The following HIBCH variants were observed in gnomAD, a reference collection of about 807,000 sequenced individuals.
HIBCH encodes 3-hydroxyisobutyryl-CoA hydrolase.
A neutral mutation model predicts 58.2 loss-of-function variants in HIBCH; 50 were observed. That is an observed-to-expected ratio of 0.86 (90% CI 0.68 to 1.09). The LOEUF (loss-of-function observed/expected upper bound fraction) is 1.09, where lower values mean the gene tolerates loss of function less well. Among genes scored for constraint, HIBCH ranks in the 50% least tolerant of loss-of-function variants. The pLI, the probability that HIBCH is intolerant of heterozygous loss-of-function variation, is 0.00. For synonymous variants in HIBCH, 151 were observed against 146.9 expected (o/e 1.03, Z -0.20); for missense variants, 450 against 449.7 (o/e 1.00, Z -0.01).
intron 1 of HIBCH, among the ~76,000 whole-genome samples, chr2:190,190,227 C>G (rs1321437685): frequency 1.3e-5 from 2 of 152,114 alleles, no homozygotes; most frequent in East Asian, 3.9e-4. Context: ...CCAAACAGTC[C>G]TTACTTCTTC....
At chr2:190,234,619 G>A (rs1000433458) in intron 11 of HIBCH, among the ~76,000 whole-genome samples, 4 of 152,114 alleles carry the variant, frequency 2.6e-5, no homozygotes, top group African/African-American at 9.7e-5. Context: ...GGAGGCCAAG[G>A]CGGGTGGATC....
intron 11 of HIBCH, among the ~76,000 whole-genome samples, chr2:190,241,227 G>A (rs1575717638): frequency 6.6e-6 from 1 of 151,884 alleles, no homozygotes; most frequent in Non-Finnish European, 1.5e-5. Context: ...ATTATGTAAT[G>A]CCTTTGTCTT....
At chr2:190,244,643 T>C (rs902817956) in intron 11 of HIBCH, among the ~76,000 whole-genome samples, 2 of 152,186 alleles carry the variant, frequency 1.3e-5, no homozygotes, top group Non-Finnish European at 2.9e-5. Flanking sequence ...AAGTCCTCTG[T>C]TACATTCAAA....
intron 6 of HIBCH, among the ~76,000 whole-genome samples, chr2:190,266,136 T>C (rs1254311546): frequency 6.6e-6 from 1 of 152,220 alleles, no homozygotes; most frequent in Non-Finnish European, 1.5e-5. Context: ...TTCTGTAAGA[T>C]TAATCCTTTA....
chr2:190,234,233 T>C (rs1328136377), intron 11 of HIBCH, among the ~76,000 whole-genome samples: 1 of 152,176 alleles, frequency 6.6e-6, no homozygotes, highest in Non-Finnish European at 1.5e-5. Context: ...CTGATACAAC[T>C]ATATTAGAAA....
chr2:190,205,084 A>C lies in HIBCH; in HGVS notation c.*33T>G. On this transcript the variant is annotated 3_prime_UTR_variant, in exon 14 of 14. Transcript: ENST00000359678. ...CCCACATGCTGTAGATTGCCAACCC[A>C]TGCTACAAAATATACCTTAAAAGCC... The C allele has an allele frequency of 2.4e-6, 3 of 1,229,824 alleles. No homozygotes were observed. Among genetic ancestry groups the C allele is most frequent in the Non-Finnish European group, 3.6e-6 (3 of 835,702 alleles). The allele number at this position is 1,229,824 out of a possible 1,614,324, so 76.2% of individuals were successfully genotyped here. A position where few individuals can be genotyped will look rare whatever the true frequency, so the allele number is the denominator to read the frequency against.
At chr2:190,220,663 T>G (rs568030716) in intron 11 of HIBCH, among the ~76,000 whole-genome samples, 2 of 151,754 alleles carry the variant, frequency 1.3e-5, no homozygotes, top group Non-Finnish European at 2.9e-5. Context: ...GTCTGCATAC[T>G]GTGCTAACAG....
At chr2:190,258,522 G>A (rs1450213193) in intron 7 of HIBCH, among the ~76,000 whole-genome samples, 7 of 152,216 alleles carry the variant, frequency 4.6e-5, no homozygotes, top group African/African-American at 9.6e-5. Context: ...TTCTAGAAGC[G>A]TTTTACATAA....
intron 11 of HIBCH, among the ~76,000 whole-genome samples, chr2:190,232,962 AAAAT>A (rs76734952): frequency 0.26 from 39,250 of 151,550 alleles, 5,377 homozygotes; most frequent in East Asian, 0.45. Context: ...TATCTCAAAA[AAAAT>A]AAATAAATAA....
Position 190,197,398 on chromosome 2 carries a change from C to A in HIBCH, c.*18-7401G>T, listed in dbSNP as rs1336550427. On this transcript the variant is annotated intron_variant, in intron 1 of 1. Coordinates refer to the HIBCH transcript ENST00000399855. This position sits in a 1 kb window ranked among gnomAD's most constrained non-coding sequence, Gnocchi z 4.0. ...TGGTGTCACTGTTCAACTCTTAAGTCCTAGAGGAAGTAATCGTTTGCTAAC... is the reference window on the plus strand; with the variant it reads ...TGGTGTCACTGTTCAACTCTTAAGTACTAGAGGAAGTAATCGTTTGCTAAC... Among the ~76,000 whole-genome samples, 1 of 152,178 alleles carries A rather than the reference C, an allele frequency of 6.6e-6. No individual in the cohort carries two copies. Among genetic ancestry groups the A allele is most frequent in the East Asian group, 1.9e-4 (1 of 5,200 alleles).
chr2:190,310,107 T>G (rs1688520030), intron 2 of HIBCH, among the ~76,000 whole-genome samples: 1 of 152,206 alleles, frequency 6.6e-6, no homozygotes, highest in African/African-American at 2.4e-5. Context: ...GGATGCTTCC[T>G]GCCTTCAAAC....
At position 190,259,508 on chromosome 2, in the gene HIBCH, G is replaced by A. The variant is rs565332576; in HGVS notation, c.517+1648C>T. 3.3e-5 allele frequency among the ~76,000 whole-genome samples: 5 copies of A among 152,178 alleles called. No homozygotes were observed. The East Asian group carries it at 9.6e-4, about 29-fold the overall frequency. Reference sequence around the variant, plus strand: ...TGAGCAGCTGGAACCACAGGCACACGCCACCATGTCCAGCTATCTTTTGTT... The same window carrying A: ...TGAGCAGCTGGAACCACAGGCACACACCACCATGTCCAGCTATCTTTTGTT... On this transcript the variant is annotated intron_variant, in intron 7 of 13. Transcript: ENST00000359678.
At chr2:190,234,758 G>A (rs1235147615) in intron 11 of HIBCH, among the ~76,000 whole-genome samples, 1 of 151,956 alleles carries the variant, frequency 6.6e-6, no homozygotes, top group Admixed American at 6.6e-5. Context: ...GCTGAGGCAG[G>A]AGAATTGCTT....
intron 2 of HIBCH, among the ~76,000 whole-genome samples, chr2:190,310,339 A>C (rs895891723): frequency 6.6e-5 from 10 of 152,244 alleles, no homozygotes; most frequent in Non-Finnish European, 1.5e-4. Flanking sequence ...AATTCTCCTT[A>C]ATAAACTCCC....
chr2:190,239,690 C>A (rs571922668), intron 11 of HIBCH, among the ~76,000 whole-genome samples: 1 of 146,478 alleles, frequency 6.8e-6, no homozygotes, highest in Non-Finnish European at 1.5e-5. Context: ...CCTCCTGTTG[C>A]CCAAGCTGGA....
At chr2:190,196,148 C>T (rs1053355602) in intron 1 of HIBCH, among the ~76,000 whole-genome samples, 1 of 151,950 alleles carries the variant, frequency 6.6e-6, no homozygotes, top group Non-Finnish European at 1.5e-5. Flanking sequence ...TCCCCAACCC[C>T]CAATGTTCTT....
chr2:190,195,461 G>C (rs764674768), intron 1 of HIBCH, among the ~76,000 whole-genome samples: 2 of 152,168 alleles, frequency 1.3e-5, no homozygotes, highest in Admixed American at 1.3e-4. Context: ...GAGTTCTGTT[G>C]CTTTTGCCAT....
intron 10 of HIBCH, among the ~76,000 whole-genome samples, chr2:190,245,727 C>CGTGA (rs1008569705): frequency 9.2e-5 from 14 of 152,188 alleles, no homozygotes; most frequent in Non-Finnish European, 1.9e-4. Flanking sequence ...CCAGGCATCA[C>CGTGA]GCCTGTAATC....
At chr2:190,299,186 T>C (rs1311175126) in intron 2 of HIBCH, among the ~76,000 whole-genome samples, 2 of 152,218 alleles carry the variant, frequency 1.3e-5, no homozygotes, top group African/African-American at 4.8e-5. Context: ...AGCACACTTA[T>C]TAGCAAAAAT....
Sources: allele counts gnomAD v4.1 joint callset (sites outside exome capture counted in the v4.1 genomes callset), GRCh38; gene constraint gnomAD v4.1.1; non-coding constraint Gnocchi (gnomAD v3.1); transcripts MANE v1.5; gene names NCBI Gene and HGNC (gene_info 2026-07-23, HGNC 2026-07-21).